The following FBP1 variants were observed in gnomAD, a reference collection of about 807,000 sequenced individuals.
FBP1 encodes fructose-bisphosphatase 1.
A neutral mutation model predicts 29.9 loss-of-function variants in FBP1; 22 were observed. That is an observed-to-expected ratio of 0.74 (90% CI 0.53 to 1.05). FBP1 has a LOEUF of 1.05. Among genes scored for constraint, FBP1 ranks in the 50% least tolerant of loss-of-function variants. The pLI is 0.00. For missense variants in FBP1, 345 were observed against 448.2 expected (o/e 0.77, Z 2.08); for synonymous variants, 175 against 178.6 (o/e 0.98, Z 0.16).
chr9:94,609,063 G>T (rs528028190), intron 4 of FBP1, among the ~76,000 whole-genome samples: 2 of 152,034 alleles, frequency 1.3e-5, no homozygotes, highest in Non-Finnish European at 2.9e-5. Context: ...GGTGGCAGGC[G>T]CCTGTAGTCC....
intron 3 of FBP1, among the ~76,000 whole-genome samples, chr9:94,616,018 C>T (rs927963584): frequency 3.3e-4 from 50 of 151,960 alleles, no homozygotes; most frequent in African/African-American, 1.1e-3. Flanking sequence ...TTAGTAGAGA[C>T]GGGGTTTCAC....
intron 5 of FBP1, among the ~76,000 whole-genome samples, chr9:94,606,545 G>A (rs1466351836): frequency 6.6e-6 from 1 of 152,216 alleles, no homozygotes; most frequent in Non-Finnish European, 1.5e-5. Context: ...GATGTCTCAG[G>A]GTGAGAATTC....
At chr9:94,611,660 G>A (rs1340518756) in intron 3 of FBP1, among the ~76,000 whole-genome samples, 1 of 152,140 alleles carries the variant, frequency 6.6e-6, no homozygotes, top group Admixed American at 6.5e-5. Flanking sequence ...GGCTGAGGCT[G>A]GAGGATCACT....
At chr9:94,605,362 G>T in intron 6 of FBP1, 95 bp downstream of exon 6, 1 of 1,344,876 alleles carries the variant, frequency 7.4e-7, no homozygotes. Flanking sequence ...AGCATGGAGC[G>T]TAATAGCTAG....
Position 94,620,340 on chromosome 9 carries a change from G to T in FBP1, c.322C>A (p.Pro108Thr). The T allele has an allele frequency of 6.2e-7, 1 of 1,614,184 alleles. No homozygotes were observed. Among genetic ancestry groups the T allele is most frequent in the Non-Finnish European group, 8.5e-7 (1 of 1,180,044 alleles). ...AAGTACAGACCCACCCTTTTCTCCG[G>T]TTCCACTATGATGGCGTGTTTATCT... ...EEDKHAIIVE[P>T]EKRGKYVVCF... The change falls in exon 2 of 7, where the codon CCG (proline) becomes ACG (threonine). Residue 108 changes from proline to threonine, a missense_variant. Transcript: ENST00000375326.
At chr9:94,629,268 C>A (rs1056212574) in intron 1 of FBP1, among the ~76,000 whole-genome samples, 2 of 152,168 alleles carry the variant, frequency 1.3e-5, no homozygotes, top group Admixed American at 1.3e-4. Flanking sequence ...GCGTGAGCCA[C>A]CACACCTGGC....
intron 3 of FBP1, among the ~76,000 whole-genome samples, chr9:94,616,079 C>A (rs3892819): frequency 2.0e-5 from 3 of 151,950 alleles, no homozygotes; most frequent in Non-Finnish European, 2.9e-5. Flanking sequence ...CCGCCCACCT[C>A]GGCCTCCCAA....
At position 94,639,483 on chromosome 9, in the gene FBP1, C is replaced by G. The variant is rs1034350144; in HGVS notation, c.-173G>C. The G allele has an allele frequency of 6.1e-5, 44 of 726,572 alleles. No individual in the cohort carries two copies. In the South Asian group the frequency reaches 7.3e-4, roughly 12 times the overall value. The allele number at this position is 726,572 out of a possible 1,614,324, so 45.0% of individuals were successfully genotyped here. On this transcript the variant is annotated 5_prime_UTR_variant, in exon 1 of 7. Transcript: ENST00000375326. ...AGGACTGACAGACCGACTGCCGCCCCGAGTGTCCGCAGCGCTCGTGGTGCA... is the reference window on the plus strand; with the variant it reads ...AGGACTGACAGACCGACTGCCGCCCGGAGTGTCCGCAGCGCTCGTGGTGCA...
intron 3 of FBP1, among the ~76,000 whole-genome samples, chr9:94,616,168 A>C (rs1236065616): frequency 1.3e-5 from 2 of 152,048 alleles, no homozygotes; most frequent in Admixed American, 1.3e-4. Context: ...GTGTCCTAGA[A>C]CAGAGTTCAG....
Position 94,605,468 on chromosome 9 carries a change from G to C in FBP1, c.814C>G (p.Pro272Ala). The change falls in exon 6 of 7, where the codon CCC becomes GCC. Residue 272 changes from proline (P) to alanine (A), a missense_variant. Pro to Ala is a conservative substitution (Grantham distance 27). Coordinates refer to ENST00000375326, the MANE Select transcript of FBP1 (RefSeq NM_000507.4). ...GGGGACACCCTTACCTTTCCATTGGGGCTCTTCTTGTTAGCGGGGTACAGA... is the reference window on the plus strand; with the variant it reads ...GGGGACACCCTTACCTTTCCATTGGCGCTCTTCTTGTTAGCGGGGTACAGA... ...IFLYPANKKS[P>A]NGKLRLLYEC... is the part of the protein sequence containing the mutation. The C allele has an allele frequency of 6.2e-7, 1 of 1,613,656 alleles. No individual in the cohort carries two copies. Among genetic ancestry groups the C allele is most frequent in the Non-Finnish European group, 8.5e-7 (1 of 1,179,946 alleles).
intron 1 of FBP1, among the ~76,000 whole-genome samples, chr9:94,634,322 G>A (rs1397974993): frequency 6.6e-6 from 1 of 151,548 alleles, no homozygotes; most frequent in Non-Finnish European, 1.5e-5. Flanking sequence ...GAAAAAGAAA[G>A]CATCTTTCAA....
rs529803646 is a variant in FBP1, at chr9:94,611,446, G to C, written c.427-1385C>G. Among the ~76,000 whole-genome samples, 17 of 152,008 alleles carry C rather than the reference G, an allele frequency of 1.1e-4. 1 individual carries two copies. The highest frequency in any genetic ancestry group is 2.1e-4 in the Non-Finnish European group (14 of 68,008). On this transcript the variant is annotated intron_variant, in intron 3 of 6. Transcript: ENST00000375326. ...GAGCACCTGCATTAGAATCACCTGG[G>C]ATATTTATTAAAAATGCACATTCAC...
intron 3 of FBP1, among the ~76,000 whole-genome samples, chr9:94,610,668 C>A (rs1401204733): frequency 6.6e-6 from 1 of 152,172 alleles, no homozygotes; most frequent in Non-Finnish European, 1.5e-5. Context: ...ACATCACAAA[C>A]CAGTGCCCCC....
chr9:94,616,718 C>G (rs1827869037), intron 3 of FBP1, among the ~76,000 whole-genome samples: 1 of 152,106 alleles, frequency 6.6e-6, no homozygotes, highest in Admixed American at 6.5e-5. Flanking sequence ...AGGCGTGAGC[C>G]ACCGCATCCG....
At chr9:94,613,170 G>A (rs950897386) in intron 3 of FBP1, among the ~76,000 whole-genome samples, 2 of 152,148 alleles carry the variant, frequency 1.3e-5, no homozygotes, top group African/African-American at 4.8e-5. Flanking sequence ...TGCTTTTGTG[G>A]TGGGAGCTGT....
At chr9:94,607,020 C>A in intron 4 of FBP1, 68 bp from the exon 5 acceptor site, 3 of 1,606,020 alleles carry the variant, frequency 1.9e-6, no homozygotes, top group Non-Finnish European at 2.6e-6. Context: ...CTGGATGAGG[C>A]GAGCGATGGG....
intron 1 of FBP1, among the ~76,000 whole-genome samples, chr9:94,624,585 G>C (rs1200942159): frequency 4.0e-5 from 6 of 150,990 alleles, no homozygotes; most frequent in African/African-American, 1.5e-4. Flanking sequence ...CCCAGGAGGC[G>C]GAGGTTGCAG....
At chr9:94,606,729 A>G (rs925116739) in intron 5 of FBP1, 86 bp downstream of exon 5, 231 of 1,391,384 alleles carry the variant, frequency 1.7e-4, no homozygotes, top group Non-Finnish European at 2.2e-4. Context: ...GATCCCTTTC[A>G]TCTCCGGGGG....
intron 3 of FBP1, among the ~76,000 whole-genome samples, chr9:94,613,770 AAAGAAAAAAAAG>A (rs1460056210): frequency 7.2e-6 from 1 of 138,948 alleles, no homozygotes; most frequent in African/African-American, 2.8e-5. Context: ...GTCTCAAAAA[AAAGAAAAAAAAG>A]AAGAAAAAAA....
Sources: allele counts gnomAD v4.1 joint callset (sites outside exome capture counted in the v4.1 genomes callset), GRCh38; gene constraint gnomAD v4.1.1; transcripts MANE v1.5; gene names NCBI Gene and HGNC (gene_info 2026-07-23, HGNC 2026-07-21).